The following NEURL1 variants were observed in gnomAD, a reference collection of about 807,000 sequenced individuals.
NEURL1 encodes E3 ubiquitin-protein ligase NEURL1.
Under a neutral mutation model 41.2 loss-of-function variants are expected in NEURL1, and 26 were observed. That is an observed-to-expected ratio of 0.63 (90% CI 0.46 to 0.87). NEURL1 has a LOEUF of 0.87. NEURL1 is among the 40% of genes least tolerant of loss of function. NEURL1 has a pLI of 0.00. For synonymous variants in NEURL1, 400 were observed against 402.3 expected, an observed-to-expected ratio of 0.99 and a Z score of 0.07; for missense variants, 761 against 871.1, an observed-to-expected ratio of 0.87 and a Z score of 1.59.
chr10:103,582,615 A>C (rs1333933076), intron 3 of NEURL1, among the ~76,000 whole-genome samples: 1 of 151,850 alleles, frequency 6.6e-6, no homozygotes, highest in Non-Finnish European at 1.5e-5. Context: ...GTGAAAGAAA[A>C]GAGGGAGGTT....
intron 1 of NEURL1, among the ~76,000 whole-genome samples, chr10:103,519,450 C>T (rs1196031257): frequency 6.6e-6 from 1 of 152,172 alleles, no homozygotes; most frequent in African/African-American, 2.4e-5. Context: ...TTGTTTCCTT[C>T]TCATATTCTT....
intron 1 of NEURL1, chr10:103,555,528 A>C (rs2035133506): frequency 1.2e-5 from 11 of 897,666 alleles, no homozygotes; most frequent in Admixed American, 2.9e-5. Context: ...TTCTCACTCC[A>C]TGGAGGGGTC....
At chr10:103,572,914 A>G (rs866463909) in intron 3 of NEURL1, among the ~76,000 whole-genome samples, 22 of 151,918 alleles carry the variant, frequency 1.4e-4, no homozygotes, top group African/African-American at 4.8e-4. Flanking sequence ...TATATGCTCA[A>G]GCAACACTTT....
At chr10:103,536,301 T>C (rs1417990418) in intron 1 of NEURL1, among the ~76,000 whole-genome samples, 1 of 152,208 alleles carries the variant, frequency 6.6e-6, no homozygotes, top group East Asian at 1.9e-4. Context: ...CCCAGCGCTT[T>C]GGGAGGCTGA....
At position 103,585,015 on chromosome 10, in the gene NEURL1, C is replaced by T. The variant is rs1194159794; in HGVS notation, c.1129C>T (p.Leu377=). The change falls in exon 4 of 6, where the codon CTG becomes TTG. Residue 377 remains leucine, a synonymous_variant. Transcript: ENST00000369780. ...PADLPFSPEA[L]VDRKEFWAVC... is the part of the protein sequence containing the mutation. The stretch of plus-strand genomic sequence containing the variant: ...CGACCTGCCTTTCAGCCCTGAGGCC[C>T]TGGTGGACCGCAAGGAATTCTGGGC... 6.3e-7 allele frequency: 1 copy of T among 1,580,754 alleles called. No homozygotes were observed. Among genetic ancestry groups the T allele is most frequent in the Non-Finnish European group, 8.5e-7 (1 of 1,171,880 alleles).
chr10:103,531,178 C>T (rs2034562374), intron 1 of NEURL1, among the ~76,000 whole-genome samples: 1 of 152,004 alleles, frequency 6.6e-6, no homozygotes, highest in Admixed American at 6.5e-5. Flanking sequence ...CAAGATTGTA[C>T]CACTGCACTC....
At chr10:103,507,437 T>C (rs1386437630) in intron 1 of NEURL1, among the ~76,000 whole-genome samples, 1 of 152,156 alleles carries the variant, frequency 6.6e-6, no homozygotes, top group African/African-American at 2.4e-5. Flanking sequence ...GTGTGGCTTC[T>C]GTCAGAGTTG....
chr10:103,524,578 G>T (rs1033108298), intron 1 of NEURL1, among the ~76,000 whole-genome samples: 2 of 152,146 alleles, frequency 1.3e-5, no homozygotes, highest in South Asian at 2.1e-4. Context: ...ATGGTTTTGG[G>T]TCTTACATTT....
rs1405147232 is a variant in NEURL1, at chr10:103,493,880, G to A, written c.-508G>A. 1.3e-5 allele frequency: 2 copies of A among 151,738 alleles called. No homozygotes were observed. The highest frequency in any genetic ancestry group is 1.3e-4 in the Admixed American group (2 of 15,224). 9.4% of individuals were successfully genotyped at this position (151,738 alleles called of 1,614,324 possible). ...CGCCCAGAACGCCCCGCGCTCCGCC[G>A]AGCCCCGCTCCACGCAGACCCGCGG... is the stretch of plus-strand genomic sequence containing the variant. On this transcript the variant is annotated 5_prime_UTR_variant, in exon 1 of 6. Coordinates refer to ENST00000369780, the MANE Select transcript of NEURL1 (RefSeq NM_004210.5).
rs1337556547 is a variant in NEURL1 at position 103,554,929 on chromosome 10, G to T, written c.86-15943G>T. ...CTGTCGGCCTGGGCGTTCAGGGAGGGCTGTGTGTGTCACTACATCCCTGAG... is the reference window on the plus strand; with the variant it reads ...CTGTCGGCCTGGGCGTTCAGGGAGGTCTGTGTGTGTCACTACATCCCTGAG... On this transcript the variant is annotated intron_variant, in intron 1 of 5. Coordinates refer to ENST00000369780, the MANE Select transcript of NEURL1 (RefSeq NM_004210.5). 2.0e-5 allele frequency among the ~76,000 whole-genome samples: 3 copies of T among 152,202 alleles called. No individual in the cohort carries two copies. The East Asian group carries it at 5.8e-4, about 29-fold the overall frequency.
At chr10:103,589,073 G>A in intron 4 of NEURL1, 1 of 382,710 alleles carries the variant, frequency 2.6e-6, no homozygotes, top group Non-Finnish European at 5.0e-6. Flanking sequence ...AAAGGTGGGT[G>A]ATATCTGGGG....
chr10:103,504,450 C>T (rs536355753), intron 1 of NEURL1, among the ~76,000 whole-genome samples: 49 of 152,200 alleles, frequency 3.2e-4, no homozygotes, highest in African/African-American at 9.9e-4. Flanking sequence ...GATTAGATTG[C>T]GGTTTTAGGT....
rs766471372 is a variant in NEURL1, at chr10:103,571,080, C to G, written c.294C>G (p.Arg98=). The G allele has an allele frequency of 6.8e-6, 11 of 1,613,800 alleles. No individual in the cohort carries two copies. Among genetic ancestry groups the G allele is most frequent in the Non-Finnish European group, 9.3e-6 (11 of 1,180,016 alleles). The stretch of plus-strand genomic sequence containing the variant: ...GCAACGCCATCACCTTCAGCAACCG[C>G]CCGGTCCTCATCTACGAGCAAGTCA... ...SFCNAITFSN[R]PVLIYEQVRL... is the part of the protein sequence containing the mutation. The change falls in exon 2 of 6, where the codon CGC becomes CGG. Residue 98 remains arginine, a synonymous_variant. Transcript: ENST00000369780.
chr10:103,576,082 C>T (rs185215907), intron 3 of NEURL1, among the ~76,000 whole-genome samples: 2 of 152,314 alleles, frequency 1.3e-5, no homozygotes, highest in East Asian at 3.9e-4. Flanking sequence ...AAACCCAGCC[C>T]CTCTCCTGGA....
chr10:103,549,584 C>G (rs1451699261), intron 1 of NEURL1, among the ~76,000 whole-genome samples: 1 of 152,240 alleles, frequency 6.6e-6, no homozygotes, highest in Non-Finnish European at 1.5e-5. Flanking sequence ...GGGGCCCTGG[C>G]AGGATGGCCA....
chr10:103,591,222 G>C lies in NEURL1; in HGVS notation c.*850G>C, dbSNP rs1049366415. The stretch of plus-strand genomic sequence containing the variant: ...GGGGAGAAGGGTTGGTCTTCTGCCA[G>C]GGTCCCTAAGAACAGGTTTGCAGCT... On this transcript the variant is annotated 3_prime_UTR_variant, in exon 6 of 6. Coordinates refer to ENST00000369780, the MANE Select transcript of NEURL1 (RefSeq NM_004210.5). 4 of 152,886 alleles carry C rather than the reference G, an allele frequency of 2.6e-5. No individual in the cohort carries two copies. The highest frequency in any genetic ancestry group is 5.9e-5 in the Non-Finnish European group (4 of 68,236). The allele number at this position is 152,886 out of a possible 1,614,324, so 9.5% of individuals were successfully genotyped here.
At chr10:103,510,878 AC>A (rs986644001) in intron 1 of NEURL1, among the ~76,000 whole-genome samples, 1 of 150,792 alleles carries the variant, frequency 6.6e-6, no homozygotes, top group Non-Finnish European at 1.5e-5. Flanking sequence ...GTTGCTCAAG[AC>A]CCCCCTAGAA....
chr10:103,547,791 C>T (rs1336113834), intron 1 of NEURL1, among the ~76,000 whole-genome samples: 3 of 151,628 alleles, frequency 2.0e-5, no homozygotes, highest in Non-Finnish European at 4.4e-5. Context: ...CTCCTGTTAT[C>T]AGCTGCCAGC....
At chr10:103,520,529 G>A (rs1206728918) in intron 1 of NEURL1, among the ~76,000 whole-genome samples, 1 of 152,166 alleles carries the variant, frequency 6.6e-6, no homozygotes, top group East Asian at 1.9e-4. Flanking sequence ...GTTAAGGCAG[G>A]AACCGACCAT....
Sources: allele counts gnomAD v4.1 joint callset (sites outside exome capture counted in the v4.1 genomes callset), GRCh38; gene constraint gnomAD v4.1.1; transcripts MANE v1.5; gene names NCBI Gene and HGNC (gene_info 2026-07-23, HGNC 2026-07-21).